The following ERC2 variants were observed in gnomAD, a reference collection of about 807,000 sequenced individuals.
ERC2 encodes the protein ELKS/RAB6-interacting/CAST family member 2.
ERC2 carries 42 observed loss-of-function variants against 114.8 expected under a neutral mutation model. That is an observed-to-expected ratio of 0.37 (90% CI 0.29 to 0.47). ERC2 has a LOEUF of 0.47. ERC2 is among the 20% of genes least tolerant of loss of function. The pLI, the probability that ERC2 is intolerant of heterozygous loss-of-function variation, is 0.99. For missense variants in ERC2, 939 were observed against 1,150.7 expected, an observed-to-expected ratio of 0.82 and a Z score of 2.66; for synonymous variants, 454 against 425.5, an observed-to-expected ratio of 1.07 and a Z score of -0.82.
At chr3:55,578,086 G>T (rs1575637220) in intron 17 of ERC2, among the ~76,000 whole-genome samples, 1 of 152,154 alleles carries the variant, frequency 6.6e-6, no homozygotes, top group Admixed American at 6.5e-5. Flanking sequence ...GCAGAGAGGG[G>T]CCTTCCCACT....
At chr3:56,059,119 T>A (rs2076137795) in intron 7 of ERC2, among the ~76,000 whole-genome samples, 1 of 151,016 alleles carries the variant, frequency 6.6e-6, no homozygotes. Context: ...GGAAATGGAG[T>A]CTCGCTCTGT....
intron 13 of ERC2, among the ~76,000 whole-genome samples, chr3:55,935,032 C>A (rs1266449384): frequency 2.0e-5 from 3 of 152,158 alleles, no homozygotes; most frequent in Non-Finnish European, 4.4e-5. Flanking sequence ...AAAGATGTAG[C>A]CTTTACTCCA....
chr3:55,567,720 GAGA>G (rs1318747342), intron 17 of ERC2, among the ~76,000 whole-genome samples: 2 of 152,160 alleles, frequency 1.3e-5, no homozygotes, highest in East Asian at 1.9e-4. Flanking sequence ...AGAAGGCACT[GAGA>G]AGGAGATTTC....
intron 3 of ERC2, among the ~76,000 whole-genome samples, chr3:56,257,259 T>C (rs1285082953): frequency 6.6e-6 from 1 of 152,232 alleles, no homozygotes; most frequent in East Asian, 1.9e-4. Flanking sequence ...TCCTCTCTGA[T>C]TTAAAATACT....
chr3:56,177,294 G>A (rs1184631868), intron 3 of ERC2, among the ~76,000 whole-genome samples: 1 of 152,264 alleles, frequency 6.6e-6, no homozygotes, highest in Middle Eastern at 3.4e-3. Flanking sequence ...ACAGACAGTA[G>A]GATGAATTGG....
chr3:56,121,205 ATCTGTATG>A (rs1484303260), intron 6 of ERC2, among the ~76,000 whole-genome samples: 2 of 152,070 alleles, frequency 1.3e-5, no homozygotes, highest in African/African-American at 4.8e-5. Flanking sequence ...GTAAATGTAT[ATCTGTATG>A]TCTGTATGTA....
At position 56,464,529 on chromosome 3, in the gene ERC2, C is replaced by T. The variant is rs573103526; in HGVS notation, c.-141+3719G>A. On this transcript the variant is annotated intron_variant, in intron 1 of 17. Transcript: ENST00000288221. ...TAAGTCAGGGAGTTTTGTTACACTG[C>T]CAAAGCTGACTAATATATCTTATCA... Among the ~76,000 whole-genome samples the T allele has an allele frequency of 1.1e-4, 17 of 152,258 alleles. No homozygotes were observed. In the South Asian group the frequency reaches 3.1e-3, roughly 28 times the overall value.
chr3:56,181,456 G>A (rs919263085), intron 3 of ERC2, among the ~76,000 whole-genome samples: 6 of 152,154 alleles, frequency 3.9e-5, no homozygotes, highest in Admixed American at 6.5e-5. Context: ...TTGTGACAGA[G>A]AACATATGGC....
intron 13 of ERC2, among the ~76,000 whole-genome samples, chr3:55,948,895 C>T (rs1367045721): frequency 6.6e-6 from 1 of 152,170 alleles, no homozygotes; most frequent in Non-Finnish European, 1.5e-5. Flanking sequence ...ATTATAACAA[C>T]CATTAGTCAT....
At position 56,266,131 on chromosome 3, in the gene ERC2, AT is replaced by A. The variant is rs747696056; in HGVS notation, c.1074+29887del. Among the ~76,000 whole-genome samples, 195 of 112,266 alleles carry A rather than the reference AT, an allele frequency of 1.7e-3. 1 individual carries two copies. Among genetic ancestry groups the A allele is most frequent in the African/African-American group, 4.3e-3 (126 of 29,280 alleles). The allele number at this position is 112,266 out of a possible 152,430, so 73.7% of individuals were successfully genotyped here. ...CAAAAACAAAAACACAAATAACTAG[AT>A]TTTTTTTTTTTTTTTTGAGACGGAG... On this transcript the variant is annotated intron_variant, in intron 3 of 17. Coordinates refer to ENST00000288221, the MANE Select transcript of ERC2 (RefSeq NM_015576.3).
At chr3:55,850,516 G>T (rs115821391) in intron 14 of ERC2, among the ~76,000 whole-genome samples, 4,198 of 152,252 alleles carry the variant, frequency 0.028, 105 homozygotes, top group South Asian at 0.085. Flanking sequence ...GGTGGTAAAA[G>T]ACAGAGCTAG....
intron 13 of ERC2, among the ~76,000 whole-genome samples, chr3:55,898,310 G>A (rs2063939776): frequency 6.6e-6 from 1 of 152,108 alleles, no homozygotes; most frequent in African/African-American, 2.4e-5. Context: ...GAGCAGCTGG[G>A]AGGCTTTATT....
intron 17 of ERC2, among the ~76,000 whole-genome samples, chr3:55,610,075 A>T (rs867811849): frequency 6.6e-6 from 1 of 151,696 alleles, no homozygotes; most frequent in Non-Finnish European, 1.5e-5. Flanking sequence ...AAAAAAAAAA[A>T]AAAAAAAAAC....
At chr3:56,040,693 TAGAGA>T (rs2075129557) in intron 7 of ERC2, among the ~76,000 whole-genome samples, 1 of 142,054 alleles carries the variant, frequency 7.0e-6, no homozygotes, top group Non-Finnish European at 1.5e-5. Flanking sequence ...TATCTCTATA[TAGAGA>T]GAGATATATA....
At chr3:55,754,195 A>C (rs2066904708) in intron 14 of ERC2, among the ~76,000 whole-genome samples, 1 of 151,950 alleles carries the variant, frequency 6.6e-6, no homozygotes. Context: ...TTTTTGAGAA[A>C]ACTATTTAAA....
chr3:55,554,592 G>T (rs1397520643), intron 17 of ERC2, among the ~76,000 whole-genome samples: 2 of 152,138 alleles, frequency 1.3e-5, no homozygotes, highest in Non-Finnish European at 2.9e-5. Flanking sequence ...TGCTGTGAAT[G>T]GCCTTTTCCT....
chr3:55,682,761 G>GA (rs142117576), intron 17 of ERC2, among the ~76,000 whole-genome samples: 5 of 152,154 alleles, frequency 3.3e-5, no homozygotes, highest in African/African-American at 9.7e-5. Context: ...TTTCTGATCA[G>GA]AAAAAAATCA....
chr3:56,252,523 G>A (rs2052234380), intron 3 of ERC2, among the ~76,000 whole-genome samples: 1 of 152,118 alleles, frequency 6.6e-6, no homozygotes, highest in South Asian at 2.1e-4. Context: ...GGGAGGCCGA[G>A]GTGGGCAGAT....
At position 56,010,463 on chromosome 3, in the gene ERC2, G is replaced by A. The variant is rs777755354; in HGVS notation, c.1906C>T (p.Leu636=). The A allele has an allele frequency of 6.2e-7, 1 of 1,613,390 alleles. No individual in the cohort carries two copies. The highest frequency in any genetic ancestry group is 8.5e-7 in the Non-Finnish European group (1 of 1,179,586). The change falls in exon 9 of 18, where the codon CTG becomes TTG. Residue 636 remains leucine, a synonymous_variant. Transcript: ENST00000288221. ...TCCAGACTCACCTCTTTCTCAGTCA[G>A]TTCAGCCTGTAAAGCATTGACCTTC... ...KEKVNALQAE[L]TEKESSLIDL...
Sources: gnomAD v4.1 joint callset for allele counts (sites outside exome capture counted in the v4.1 genomes callset) on GRCh38, gnomAD v4.1.1 for gene constraint, MANE v1.5 for transcripts, NCBI Gene and HGNC (gene_info 2026-07-23, HGNC 2026-07-21) for gene names.